Variants in PKD2 observed in about 807,000 individuals in gnomAD.
PKD2 encodes the protein polycystin-2.
In PKD2, 48 loss-of-function variants were observed where a neutral mutation model predicts 105.9. The ratio of observed to expected loss-of-function variants is 0.45; its 90% CI spans 0.36 to 0.58. The LOEUF is 0.58. Among genes scored for constraint, PKD2 ranks in the 20% least tolerant of loss-of-function variants. The pLI is 0.00. For missense variants in PKD2, 1,078 were observed against 1,255.3 expected, an observed-to-expected ratio of 0.86 and a Z score of 2.13; for synonymous variants, 464 against 481.1, an observed-to-expected ratio of 0.96 and a Z score of 0.46.
rs138293693 is a variant in PKD2, at chr4:88,054,605, C to T, written c.1717-1481C>T. Among the ~76,000 whole-genome samples, 497 of 148,740 alleles carry T rather than the reference C, an allele frequency of 3.3e-3. 3 individuals carry two copies. Among genetic ancestry groups the T allele is most frequent in the African/African-American group, 0.012 (473 of 40,118 alleles). On this transcript the variant is annotated intron_variant, in intron 7 of 14. Transcript: ENST00000237596. ...CTTCTCTTGGAAATGTCTTGCCCCT[C>T]GATACTTTATCATTAAGGTCTTTAA...
At chr4:88,038,947 T>G (rs1727445531) in intron 4 of PKD2, among the ~76,000 whole-genome samples, 1 of 152,212 alleles carries the variant, frequency 6.6e-6, no homozygotes, top group Non-Finnish European at 1.5e-5. Flanking sequence ...AATTTTTTGT[T>G]AGGTTTAAAG....
Position 88,075,513 on chromosome 4 carries a change from T to C in PKD2, c.2726T>C (p.Val909Ala). 6.2e-7 allele frequency: 1 copy of C among 1,614,162 alleles called. No individual in the cohort carries two copies. The change falls in exon 15 of 15, where the codon GTA (valine) becomes GCA (alanine). Residue 909 changes from valine (V) to alanine (A), a missense_variant. Physicochemically the swap from Val to Ala is moderately conservative, Grantham distance 64 (BLOSUM62 0). Coordinates refer to ENST00000237596, the MANE Select transcript of PKD2 (RefSeq NM_000297.4). ...EIHREQMERL[V>A]REELERWESD... Reference sequence around the variant, plus strand: ...CATAGGGAACAGATGGAACGGCTAGTACGTGAAGAGTTGGAACGCTGGGAA... The same window carrying C: ...CATAGGGAACAGATGGAACGGCTAGCACGTGAAGAGTTGGAACGCTGGGAA...
chr4:88,049,784 A>C (rs141095563), intron 6 of PKD2, among the ~76,000 whole-genome samples: 1 of 152,248 alleles, frequency 6.6e-6, no homozygotes, highest in East Asian at 1.9e-4. Flanking sequence ...ATCACTTTGA[A>C]ATTTTCTTTA....
chr4:88,049,401 T>C (rs953441096), intron 6 of PKD2, among the ~76,000 whole-genome samples: 1 of 152,238 alleles, frequency 6.6e-6, no homozygotes, highest in Non-Finnish European at 1.5e-5. Context: ...ATCATGGAAA[T>C]TGTCTCTTTG....
At chr4:88,051,927 C>A in intron 6 of PKD2, 64 bp from the exon 7 acceptor site, 1 of 861,934 alleles carries the variant, frequency 1.2e-6, no homozygotes, top group South Asian at 1.5e-5. Flanking sequence ...ATATACTAGT[C>A]ATATTAAGGT....
At chr4:88,010,368 G>A (rs75139204) in intron 1 of PKD2, among the ~76,000 whole-genome samples, 4,116 of 152,248 alleles carry the variant, frequency 0.027, 66 homozygotes, top group South Asian at 0.047. Context: ...ATTTTAAAAT[G>A]TTTAGCACCT....
intron 10 of PKD2, among the ~76,000 whole-genome samples, chr4:88,064,794 A>C (rs1199952292): frequency 6.6e-6 from 1 of 151,454 alleles, no homozygotes; most frequent in Non-Finnish European, 1.5e-5. Context: ...TTGGGGGCTG[A>C]GTTGGGAAAA....
At chr4:88,020,184 A>C (rs1189403658) in intron 2 of PKD2, among the ~76,000 whole-genome samples, 2 of 152,224 alleles carry the variant, frequency 1.3e-5, no homozygotes, top group Non-Finnish European at 2.9e-5. Context: ...CTATTATTAT[A>C]TCAGTTAACA....
intron 12 of PKD2, among the ~76,000 whole-genome samples, chr4:88,066,769 T>C (rs1578148155): frequency 6.6e-6 from 1 of 152,188 alleles, no homozygotes; most frequent in African/African-American, 2.4e-5. Flanking sequence ...AATTCAAAGC[T>C]TTACCATTAA....
chr4:88,007,677 GGCGCACAGCGCCGAGCGCGGCGCC>G lies in PKD2; in HGVS notation c.-50_-27del. 1 of 1,087,250 alleles carries G rather than the reference GGCGCACAGCGCCGAGCGCGGCGCC, an allele frequency of 9.2e-7. No individual in the cohort carries two copies. The highest frequency in any genetic ancestry group is 1.1e-6 in the Non-Finnish European group (1 of 891,362). The allele number at this position is 1,087,250 out of a possible 1,614,324, so 67.4% of individuals were successfully genotyped here. On this transcript the variant is annotated 5_prime_UTR_variant, in exon 1 of 15. Transcript: ENST00000237596. ...GGGAAGAAAGGAACATGGCTCCTGA[GGCGCACAGCGCCGAGCGCGGCGCC>G]GCGCACCCGCGCGCCGGACGCCAGT...
intron 4 of PKD2, among the ~76,000 whole-genome samples, chr4:88,039,153 C>T (rs139800457): frequency 0.013 from 1,947 of 152,204 alleles, 24 homozygotes; most frequent in South Asian, 0.058. Flanking sequence ...TGGGCCTTTG[C>T]GGTTGCTGTC....
At chr4:88,012,886 G>A (rs114521375) in intron 1 of PKD2, among the ~76,000 whole-genome samples, 41 of 152,184 alleles carry the variant, frequency 2.7e-4, no homozygotes, top group African/African-American at 9.4e-4. Context: ...GTTTATCCAT[G>A]CGTGCAAATT....
chr4:88,019,714 TTA>T, intron 2 of PKD2, 143 bp downstream of exon 2: 1 of 675,986 alleles, frequency 1.5e-6, no homozygotes, highest in Non-Finnish European at 2.7e-6. Context: ...TCTAATATTT[TTA>T]TTTGGGCATT....
intron 13 of PKD2, among the ~76,000 whole-genome samples, chr4:88,068,974 C>T (rs1180462254): frequency 6.6e-6 from 1 of 152,112 alleles, no homozygotes; most frequent in Non-Finnish European, 1.5e-5. Flanking sequence ...TATATTGACC[C>T]TATTTTCTCT....
rs760404089 is a variant in PKD2 at position 88,058,029 on chromosome 4, A to G, written c.1945A>G (p.Ile649Val). Residue 649 changes from isoleucine (I) to valine (V), a missense_variant, in exon 9 of 15, where the codon ATT (isoleucine) becomes GTT (valine). Transcript: ENST00000237596. ...TTTGGGCGATATCAACTTTGCAGAG[A>G]TTGAGGAAGCTAATCGAGTTTTGGG... ...IILGDINFAE[I>V]EEANRVLGPI... 4 of 1,581,370 alleles carry G rather than the reference A, an allele frequency of 2.5e-6. No individual in the cohort carries two copies. In the Admixed American group the frequency reaches 6.7e-5, roughly 26 times the overall value.
At chr4:88,067,803 G>T in intron 12 of PKD2, 95 bp from the exon 13 acceptor site, 1 of 995,960 alleles carries the variant, frequency 1.0e-6, no homozygotes, top group Non-Finnish European at 1.6e-6. Flanking sequence ...CCAGGTAAAT[G>T]GCATGCACCC....
chr4:88,008,138 C>T lies in PKD2; in HGVS notation c.405C>T (p.Gly135=). Residue 135 remains glycine, a synonymous_variant, in exon 1 of 15, where the codon GGC becomes GGT. Transcript: ENST00000237596. ...SAASSAVSSV[G]ARSRGLGGYH... ...CCTCCTCGGCCGTGAGCTCCGTGGGCGCGCGGAGCCGGGGGCTTGGGGGCT... is the reference window on the plus strand; with the variant it reads ...CCTCCTCGGCCGTGAGCTCCGTGGGTGCGCGGAGCCGGGGGCTTGGGGGCT... 5 of 1,487,174 alleles carry T rather than the reference C, an allele frequency of 3.4e-6. No individual in the cohort carries two copies. The highest frequency in any genetic ancestry group is 4.5e-6 in the Non-Finnish European group (5 of 1,122,790). The allele number at this position is 1,487,174 out of a possible 1,614,324, so 92.1% of individuals were successfully genotyped here. A position where few individuals can be genotyped will look rare whatever the true frequency, so the allele number is the denominator to read the frequency against.
intron 6 of PKD2, among the ~76,000 whole-genome samples, chr4:88,050,183 C>G (rs1720004922): frequency 6.6e-6 from 1 of 151,978 alleles, no homozygotes; most frequent in African/African-American, 2.4e-5. Context: ...ACCGAGTTAG[C>G]CAGGATGGTC....
Position 88,007,930 on chromosome 4 carries a change from A to T in PKD2, c.197A>T (p.Asp66Val), listed in dbSNP as rs1278983560. ...MQRIRQAAAR[D>V]PPAGAAASPS... ...CGCATCCGGCAGGCGGCCGCGCGGG[A>T]CCCCCCGGCCGGAGCCGCGGCCTCC... is the stretch of plus-strand genomic sequence containing the variant. The change falls in exon 1 of 15, where the codon GAC becomes GTC. Residue 66 changes from aspartate (D) to valine (V), a missense_variant. Asp to Val is a radical substitution (Grantham distance 152). Coordinates refer to ENST00000237596, the MANE Select transcript of PKD2 (RefSeq NM_000297.4). The T allele has an allele frequency of 5.5e-6, 8 of 1,446,180 alleles. No individual in the cohort carries two copies. The African/African-American group carries it at 5.9e-5, about 11-fold the overall frequency. The allele number at this position is 1,446,180 out of a possible 1,614,324, so 89.6% of individuals were successfully genotyped here. A position where few individuals can be genotyped will look rare whatever the true frequency, so the allele number is the denominator to read the frequency against.
Sources: gnomAD v4.1 joint callset for allele counts (sites outside exome capture counted in the v4.1 genomes callset) on GRCh38, gnomAD v4.1.1 for gene constraint, MANE v1.5 for transcripts, NCBI Gene and HGNC (gene_info 2026-07-23, HGNC 2026-07-21) for gene names.